PAIP2: variants seen among roughly 807,000 people sequenced by gnomAD.
PAIP2 encodes the protein polyadenylate-binding protein-interacting protein 2.
PAIP2 carries 7 observed loss-of-function variants against 14.8 expected under a neutral mutation model. The observed-to-expected ratio is 0.47, with a 90% CI of 0.27 to 0.89. The LOEUF is 0.89. Ranked by LOEUF, PAIP2 falls within the 40% of genes least tolerant of loss-of-function variation. The probability of loss-of-function intolerance (pLI) is 0.13; values close to 1 mark genes in which losing one functional copy is unlikely to be tolerated. For synonymous variants in PAIP2, 47 were observed against 45.3 expected (o/e 1.04, Z -0.15); for missense variants, 122 against 154.7 (o/e 0.79, Z 1.12).
At chr5:139,365,894 G>A (rs75294990) in intron 3 of PAIP2, among the ~76,000 whole-genome samples, 2,667 of 152,222 alleles carry the variant, frequency 0.018, 85 homozygotes, top group African/African-American at 0.062. Context: ...GCTTGATGGA[G>A]AAGTTTTGCT....
chr5:139,344,273 T>G lies in PAIP2; in HGVS notation c.-27+2293T>G, dbSNP rs1326353773. Reference sequence around the variant, plus strand: ...AACCATTATGTGGTGCTGTGTGATTTAGTGACAGGTCTAGGGTACTTTAAG... The same window carrying G: ...AACCATTATGTGGTGCTGTGTGATTGAGTGACAGGTCTAGGGTACTTTAAG... On this transcript the variant is annotated intron_variant, in intron 1 of 3. Coordinates refer to ENST00000265192, the MANE Select transcript of PAIP2 (RefSeq NM_016480.5). Among the ~76,000 whole-genome samples the G allele has an allele frequency of 2.0e-5, 3 of 152,172 alleles. No homozygotes were observed. In the East Asian group the frequency reaches 5.8e-4, roughly 29 times the overall value.
At chr5:139,367,695 A>G (rs933185983) in intron 3 of PAIP2, 5 of 151,842 alleles carry the variant, frequency 3.3e-5, no homozygotes, top group African/African-American at 1.2e-4. Flanking sequence ...AGGATTCTAA[A>G]GTAAAATCAG....
chr5:139,347,381 C>T (rs1445628716), intron 1 of PAIP2, among the ~76,000 whole-genome samples: 1 of 148,838 alleles, frequency 6.7e-6, no homozygotes, highest in African/African-American at 2.5e-5. Context: ...TCAAGCGATT[C>T]TCCTGCCTCA....
chr5:139,345,161 T>A (rs1756500146), intron 1 of PAIP2, among the ~76,000 whole-genome samples: 1 of 152,110 alleles, frequency 6.6e-6, no homozygotes, highest in South Asian at 2.1e-4. Flanking sequence ...TTCTTCTGCC[T>A]CAGCCTCCTG....
chr5:139,364,086 C>T, intron 2 of PAIP2, 164 bp downstream of exon 2: 1 of 630,396 alleles, frequency 1.6e-6, no homozygotes, highest in Non-Finnish European at 2.7e-6. Context: ...GGCTTAACTG[C>T]TTACGGAAAT....
At chr5:139,342,978 T>G (rs191051386) in intron 1 of PAIP2, 1 of 152,292 alleles carries the variant, frequency 6.6e-6, no homozygotes, top group Non-Finnish European at 1.5e-5. Flanking sequence ...GATGTTCATG[T>G]TGGGTGTGCT....
intron 1 of PAIP2, among the ~76,000 whole-genome samples, chr5:139,344,787 G>A (rs551624692): frequency 2.8e-4 from 42 of 152,172 alleles, no homozygotes; most frequent in African/African-American, 1.0e-3. Context: ...GGATTTTCTT[G>A]TGACATTGTT....
At position 139,369,696 on chromosome 5, in the gene PAIP2, AAAT is replaced by A. The variant is rs1757535152; in HGVS notation, c.*901_*903del. The A allele has an allele frequency of 1.3e-5, 2 of 152,662 alleles. No homozygotes were observed. Among genetic ancestry groups the A allele is most frequent in the African/African-American group, 4.8e-5 (2 of 41,474 alleles). The allele number at this position is 152,662 out of a possible 1,614,324, so 9.5% of individuals were successfully genotyped here. A position where few individuals can be genotyped will look rare whatever the true frequency, so the allele number is the denominator to read the frequency against. On this transcript the variant is annotated 3_prime_UTR_variant, in exon 4 of 4. Coordinates refer to ENST00000265192, the MANE Select transcript of PAIP2 (RefSeq NM_016480.5). ...TATATTTTTTCAAAAATATTTAAAA[AAAT>A]AAATAATAGTAGAACTGAGCAGATG...
At chr5:139,363,965 C>T in intron 2 of PAIP2, 43 bp downstream of exon 2, 1 of 1,554,922 alleles carries the variant, frequency 6.4e-7, no homozygotes, top group Middle Eastern at 1.7e-4. Context: ...CCATTCTGGC[C>T]CTCAATATGA....
chr5:139,347,890 C>T (rs923767352), intron 1 of PAIP2, among the ~76,000 whole-genome samples: 1 of 152,022 alleles, frequency 6.6e-6, no homozygotes, highest in Non-Finnish European at 1.5e-5. Context: ...AGAAACAACT[C>T]GGCCAGTGTG....
At chr5:139,363,684 C>A in intron 1 of PAIP2, 75 bp from the exon 2 acceptor site, 2 of 1,292,346 alleles carry the variant, frequency 1.5e-6, no homozygotes, top group Non-Finnish European at 2.1e-6. Flanking sequence ...GCCTGGATGA[C>A]GGAGTGAAAC....
intron 3 of PAIP2, among the ~76,000 whole-genome samples, chr5:139,365,952 A>G (rs1310845208): frequency 6.6e-6 from 1 of 152,172 alleles, no homozygotes; most frequent in African/African-American, 2.4e-5. Context: ...CTGTAATCCC[A>G]ACACTTTGGG....
At chr5:139,366,029 G>A (rs1391554627) in intron 3 of PAIP2, among the ~76,000 whole-genome samples, 9 of 151,762 alleles carry the variant, frequency 5.9e-5, no homozygotes, top group South Asian at 2.1e-4. Context: ...GTGAAACCCC[G>A]TCTCTACTAA....
Position 139,348,375 on chromosome 5 carries a change from G to A in PAIP2, c.-27+6395G>A, listed in dbSNP as rs1165455261. Among the ~76,000 whole-genome samples the A allele has an allele frequency of 2.9e-3, 429 of 146,624 alleles. 1 individual carries two copies. Among genetic ancestry groups the A allele is most frequent in the Middle Eastern group, 6.9e-3 (2 of 290 alleles). ...GGCTAATTTTTTTTTTTTTTTTTGAGACGGAGTCTCACTCTGTCGCCCAAG... is the reference window on the plus strand; with the variant it reads ...GGCTAATTTTTTTTTTTTTTTTTGAAACGGAGTCTCACTCTGTCGCCCAAG... On this transcript the variant is annotated intron_variant, in intron 1 of 3. Transcript: ENST00000265192.
intron 1 of PAIP2, among the ~76,000 whole-genome samples, chr5:139,343,626 C>T (rs572921991): frequency 6.6e-6 from 1 of 152,092 alleles, no homozygotes; most frequent in East Asian, 1.9e-4. Context: ...AATCTAATAA[C>T]CTTTTGTGCT....
intron 2 of PAIP2, 152 bp from the exon 3 acceptor site, chr5:139,364,412 G>A (rs1025559383): frequency 1.9e-5 from 10 of 525,966 alleles, no homozygotes; most frequent in African/African-American, 9.7e-5. Flanking sequence ...GATCTTCGCC[G>A]GTCATTATGG....
intron 1 of PAIP2, among the ~76,000 whole-genome samples, chr5:139,348,521 A>AT (rs1305047953): frequency 1.3e-5 from 2 of 148,742 alleles, no homozygotes; most frequent in Admixed American, 6.7e-5. Flanking sequence ...TACTTGGCTA[A>AT]TTTTTTTTTG....
intron 1 of PAIP2, among the ~76,000 whole-genome samples, chr5:139,352,503 T>TTTTTTTTG (rs1756772653): frequency 8.0e-6 from 1 of 124,462 alleles, no homozygotes; most frequent in Admixed American, 8.1e-5. Flanking sequence ...TTTTTTGTTG[T>TTTTTTTTG]TTTTTTTTTT....
chr5:139,360,095 T>C (rs544396585), intron 1 of PAIP2, among the ~76,000 whole-genome samples: 1 of 151,684 alleles, frequency 6.6e-6, no homozygotes, highest in African/African-American at 2.4e-5. Flanking sequence ...GCCTCCCAAG[T>C]AGCTGGGACT....
Sources: gnomAD v4.1 joint callset for allele counts (sites outside exome capture counted in the v4.1 genomes callset) on GRCh38, gnomAD v4.1.1 for gene constraint, MANE v1.5 for transcripts, NCBI Gene and HGNC (gene_info 2026-07-23, HGNC 2026-07-21) for gene names.